AFF3: variants seen among roughly 807,000 people sequenced by gnomAD.
AFF3 encodes AF4/FMR2 family member 3.
Under a neutral mutation model 129.7 loss-of-function variants are expected in AFF3, and 32 were observed. The ratio of observed to expected loss-of-function variants is 0.25; its 90% CI spans 0.19 to 0.33. AFF3 has a LOEUF of 0.33. Among genes scored for constraint, AFF3 ranks in the 10% least tolerant of loss-of-function variants. AFF3 has a pLI of 1.00. For missense variants in AFF3, 1,373 were observed against 1,592.0 expected (o/e 0.86, Z 2.34); for synonymous variants, 644 against 635.4 (o/e 1.01, Z -0.20).
intron 24 of AFF3, among the ~76,000 whole-genome samples, chr2:99,553,588 A>G (rs1257045929): frequency 6.6e-6 from 1 of 152,044 alleles, no homozygotes; most frequent in Non-Finnish European, 1.5e-5. Flanking sequence ...TTGACCCCCA[A>G]ATTTTATTCC....
intron 13 of AFF3, among the ~76,000 whole-genome samples, chr2:99,618,193 G>A (rs1038927063): frequency 7.4e-5 from 11 of 148,264 alleles, no homozygotes; most frequent in Non-Finnish European, 1.2e-4. Flanking sequence ...GTGTTGCTAG[G>A]TGGTTTAGAT....
At chr2:99,806,274 A>G (rs1177314354) in intron 8 of AFF3, among the ~76,000 whole-genome samples, 1 of 152,180 alleles carries the variant, frequency 6.6e-6, no homozygotes, top group Non-Finnish European at 1.5e-5. Context: ...ACTCCCATCA[A>G]CATTCATTGA....
At chr2:100,032,185 G>C (rs1684546323) in intron 4 of AFF3, among the ~76,000 whole-genome samples, 1 of 152,144 alleles carries the variant, frequency 6.6e-6, no homozygotes, top group Non-Finnish European at 1.5e-5. Flanking sequence ...CTAGCACTTT[G>C]GGTGGGACAA....
intron 13 of AFF3, among the ~76,000 whole-genome samples, chr2:99,626,148 T>C (rs1204635331): frequency 6.6e-6 from 1 of 152,184 alleles, no homozygotes; most frequent in Non-Finnish European, 1.5e-5. Flanking sequence ...ACCAGCTTGG[T>C]AGAAATGTTG....
At chr2:99,647,283 A>T (rs538080491) in intron 13 of AFF3, among the ~76,000 whole-genome samples, 8 of 152,366 alleles carry the variant, frequency 5.3e-5, no homozygotes, top group African/African-American at 1.9e-4. Flanking sequence ...GGGTAAAGAA[A>T]ATATGGTACA....
intron 12 of AFF3, among the ~76,000 whole-genome samples, chr2:99,662,300 A>G (rs1189043226): frequency 6.6e-6 from 1 of 152,206 alleles, no homozygotes; most frequent in Non-Finnish European, 1.5e-5. Context: ...GCAGTTTTCA[A>G]TTAGAGTTAT....
chr2:99,832,090 CT>C (rs1558894311), intron 8 of AFF3, among the ~76,000 whole-genome samples: 1 of 152,208 alleles, frequency 6.6e-6, no homozygotes, highest in African/African-American at 2.4e-5. Flanking sequence ...ACTATGAAAC[CT>C]TTGCATAAAA....
intron 13 of AFF3, among the ~76,000 whole-genome samples, chr2:99,627,434 T>C (rs1435329806): frequency 2.0e-5 from 3 of 151,556 alleles, no homozygotes; most frequent in Non-Finnish European, 4.4e-5. Flanking sequence ...GTTTTTTTCT[T>C]GTAAATTTGT....
At chr2:99,657,142 T>C (rs1010703362) in intron 12 of AFF3, among the ~76,000 whole-genome samples, 2 of 152,146 alleles carry the variant, frequency 1.3e-5, no homozygotes, top group African/African-American at 4.8e-5. Flanking sequence ...CTGAGGAGCA[T>C]GCCAATAACG....
At chr2:99,607,932 T>C (rs546178382) in intron 13 of AFF3, among the ~76,000 whole-genome samples, 2 of 152,356 alleles carry the variant, frequency 1.3e-5, no homozygotes, top group East Asian at 3.9e-4. Context: ...AAATGCGGGA[T>C]TGAAGAGGTT....
chr2:99,638,459 G>T (rs1390733611), intron 13 of AFF3, among the ~76,000 whole-genome samples: 2 of 151,854 alleles, frequency 1.3e-5, no homozygotes, highest in Admixed American at 6.6e-5. Flanking sequence ...TGGTGGGGGT[G>T]GGGGACTCTG....
intron 20 of AFF3, among the ~76,000 whole-genome samples, chr2:99,562,032 T>C (rs1337468998): frequency 6.6e-6 from 1 of 152,248 alleles, no homozygotes; most frequent in African/African-American, 2.4e-5. Context: ...AAGCCTGCTG[T>C]CATTCGAATT....
intron 7 of AFF3, among the ~76,000 whole-genome samples, chr2:99,857,105 G>T (rs1278138900): frequency 2.0e-5 from 3 of 151,658 alleles, no homozygotes; most frequent in African/African-American, 7.3e-5. Context: ...AGGTACATAG[G>T]TTTCAAGAAG....
At chr2:99,675,947 GA>G (rs1477175090) in intron 11 of AFF3, among the ~76,000 whole-genome samples, 1 of 149,664 alleles carries the variant, frequency 6.7e-6, no homozygotes, top group Non-Finnish European at 1.5e-5. Context: ...ATTAAGTGCT[GA>G]TTAGGCTACT....
chr2:99,615,091 G>A (rs1278751288), intron 13 of AFF3, among the ~76,000 whole-genome samples: 2 of 152,174 alleles, frequency 1.3e-5, no homozygotes, highest in Non-Finnish European at 2.9e-5. Context: ...TGGACCCAGG[G>A]CTTTGAATGG....
intron 7 of AFF3, among the ~76,000 whole-genome samples, chr2:99,982,930 T>C (rs1373801073): frequency 6.6e-6 from 1 of 152,188 alleles, no homozygotes; most frequent in Non-Finnish European, 1.5e-5. Flanking sequence ...GTAATTGCCA[T>C]ATATGGGTAA....
chr2:99,833,557 C>G lies in AFF3; in HGVS notation c.921+3920G>C, dbSNP rs80291904. ...AATCTCAAACACTGATCTCTTATTA[C>G]AAAGGCACTCTATGTTATGAGTGTC... On this transcript the variant is annotated intron_variant, in intron 8 of 24. Coordinates refer to ENST00000672756, the MANE Select transcript of AFF3 (RefSeq NM_001386135.1). Among the ~76,000 whole-genome samples the G allele has an allele frequency of 3.3e-3, 498 of 152,274 alleles. 4 individuals carry two copies. Among genetic ancestry groups the G allele is most frequent in the Non-Finnish European group, 5.4e-3 (366 of 68,028 alleles).
chr2:99,723,166 G>C (rs139815673), intron 11 of AFF3, among the ~76,000 whole-genome samples: 4 of 152,104 alleles, frequency 2.6e-5, no homozygotes, highest in Admixed American at 6.6e-5. Flanking sequence ...GTGTGTGCAC[G>C]CATGTTAAGA....
At chr2:99,836,708 G>A (rs1032647793) in intron 8 of AFF3, among the ~76,000 whole-genome samples, 4 of 151,184 alleles carry the variant, frequency 2.6e-5, no homozygotes, top group Non-Finnish European at 5.9e-5. Context: ...TTAAAATAAA[G>A]TGTTTTTTTT....
Sources: allele counts gnomAD v4.1 joint callset (sites outside exome capture counted in the v4.1 genomes callset), GRCh38; gene constraint gnomAD v4.1.1; transcripts MANE v1.5; gene names NCBI Gene and HGNC (gene_info 2026-07-23, HGNC 2026-07-21).